The following RFC5 variants were observed in gnomAD, a reference collection of about 807,000 sequenced individuals.
The protein encoded by RFC5 is replication factor C subunit 5.
In RFC5, 26 loss-of-function variants were observed where a neutral mutation model predicts 44.3. The observed-to-expected ratio is 0.59, with a 90% CI of 0.43 to 0.81. The LOEUF (loss-of-function observed/expected upper bound fraction) is 0.81. Among genes scored for constraint, RFC5 ranks in the 40% least tolerant of loss-of-function variants. RFC5 has a pLI of 0.00. For synonymous variants in RFC5, 155 were observed against 155.2 expected (o/e 1.00, Z 0.01); for missense variants, 328 against 418.6 (o/e 0.78, Z 1.89).
downstream of RFC5, chr12:118,032,412 G>T (rs972912010): frequency 2.0e-5 from 3 of 152,168 alleles, no homozygotes; most frequent in Non-Finnish European, 2.9e-5. Context: ...AGATAACCAT[G>T]AAATGTAAAC....
At chr12:118,020,527 C>T (rs989201755) in intron 3 of RFC5, among the ~76,000 whole-genome samples, 1 of 152,114 alleles carries the variant, frequency 6.6e-6, no homozygotes, top group South Asian at 2.1e-4. Flanking sequence ...ACTTTTTAGA[C>T]GCAGGTCTCA....
intron 10 of RFC5, among the ~76,000 whole-genome samples, chr12:118,030,035 T>G (rs1030414089): frequency 6.6e-6 from 1 of 152,196 alleles, no homozygotes; most frequent in African/African-American, 2.4e-5. Context: ...ACAGATCAGT[T>G]ACATATCTGA....
chr12:118,017,532 A>G (rs930095076), intron 1 of RFC5, among the ~76,000 whole-genome samples: 3 of 152,178 alleles, frequency 2.0e-5, no homozygotes, highest in African/African-American at 7.2e-5. Context: ...TGTTCTCGCA[A>G]TGCTTCCAAG....
downstream of RFC5, chr12:118,034,668 A>G: frequency 2.0e-6 from 1 of 493,648 alleles, no homozygotes; most frequent in East Asian, 3.5e-5. Flanking sequence ...ACTGAATTAT[A>G]GATGTTACCT....
chr12:118,024,658 G>A (rs5745858), intron 5 of RFC5, among the ~76,000 whole-genome samples, 193 bp from the exon 6 acceptor site: 1,853 of 152,072 alleles, frequency 0.012, 44 homozygotes, highest in African/African-American at 0.042. Flanking sequence ...TGATCCTCCC[G>A]CCTCAGCCTC....
chr12:118,023,340 T>C (rs1182969265), intron 5 of RFC5, among the ~76,000 whole-genome samples: 2 of 146,582 alleles, frequency 1.4e-5, no homozygotes, highest in Admixed American at 7.0e-5. Flanking sequence ...GAACGATCTT[T>C]AGGAGTTTGT....
chr12:118,025,013 G>C lies in RFC5; in HGVS notation c.581+3G>C. ...GAACATGTCGTGGAAGAAGAGAAGT[G>C]AGTATTTTGCGGGCCTTTGGGGATG... On this transcript the variant is annotated splice_donor_region_variant and intron_variant, in intron 6 of 10. Transcript: ENST00000454402. 1 of 1,612,302 alleles carries C rather than the reference G, an allele frequency of 6.2e-7. No homozygotes were observed. Among genetic ancestry groups the C allele is most frequent in the Non-Finnish European group, 8.5e-7 (1 of 1,179,502 alleles).
At chr12:118,038,330 G>A in the RFC5 span, 1 of 1,614,140 alleles carries the variant, frequency 6.2e-7, no homozygotes, top group Non-Finnish European at 8.5e-7. Context: ...TGCAGTCTGG[G>A]GAGATGGAAC....
chr12:118,017,177 C>T (rs958350668), intron 1 of RFC5, among the ~76,000 whole-genome samples: 3 of 152,202 alleles, frequency 2.0e-5, no homozygotes, highest in Non-Finnish European at 2.9e-5. Context: ...GGGTTCGATC[C>T]CGCGTCTCCT....
chr12:118,018,352 G>C (rs564278232), intron 1 of RFC5, among the ~76,000 whole-genome samples: 17 of 152,230 alleles, frequency 1.1e-4, no homozygotes, highest in Non-Finnish European at 1.9e-4. Flanking sequence ...CAGCACTATT[G>C]ACATTTTGGG....
chr12:118,034,593 C>CTCTCTCTCTCTCTCTCTCTA, downstream of RFC5: 1 of 541,842 alleles, frequency 1.8e-6, no homozygotes, highest in Non-Finnish European at 3.2e-6. Flanking sequence ...GTCTCTCTCT[C>CTCTCTCTCTCTCTCTCTCTA]GGCACAGCCC....
chr12:118,027,879 C>T (rs563160508), intron 8 of RFC5, 74 bp from the exon 9 acceptor site: 120 of 897,822 alleles, frequency 1.3e-4, no homozygotes, highest in Middle Eastern at 2.2e-4. Context: ...GTCTCTTGCC[C>T]GGGTTTGGAT....
At chr12:118,040,605 A>T in the RFC5 span, among the ~76,000 whole-genome samples, 1 of 151,716 alleles carries the variant, frequency 6.6e-6, no homozygotes, top group Non-Finnish European at 1.5e-5. Context: ...TACTAAAAAT[A>T]CGAAAATTAG....
chr12:118,027,025 T>C lies in RFC5; in HGVS notation c.793+7T>C, dbSNP rs1480506378. 5 of 1,610,642 alleles carry C rather than the reference T, an allele frequency of 3.1e-6. No homozygotes were observed. Among genetic ancestry groups the C allele is most frequent in the Non-Finnish European group, 3.4e-6 (4 of 1,179,616 alleles). On this transcript the variant is annotated splice_region_variant and intron_variant, in intron 8 of 10. Transcript: ENST00000454402. ...TTCACCACAGCCTACAGAAGTATCCTTTCTCATGACCTCCTGGCCACCGAG... is the reference window on the plus strand; with the variant it reads ...TTCACCACAGCCTACAGAAGTATCCCTTCTCATGACCTCCTGGCCACCGAG...
At chr12:118,035,411 C>G, downstream of RFC5, 1 of 1,195,942 alleles carries the variant, frequency 8.4e-7, no homozygotes, top group Non-Finnish European at 1.2e-6. Context: ...AGCCAAACTG[C>G]CCTGGCTACA....
In RFC5 at chr12:118,031,228, C is replaced by G; in HGVS notation, c.973C>G (p.Leu325Val). 1 of 1,614,016 alleles carries G rather than the reference C, an allele frequency of 6.2e-7. No homozygotes were observed. The highest frequency in any genetic ancestry group is 8.5e-7 in the Non-Finnish European group (1 of 1,179,966). The change falls in exon 11 of 11, where the codon CTC becomes GTC. Residue 325 changes from leucine to valine, a missense_variant. Transcript: ENST00000454402. ...GTNEKIQLSS[L>V]IAAFQVTRDL... ...CAACGAGAAGATCCAGCTGAGCTCC[C>G]TCATTGCTGCATTTCAAGTCACCAG...
chr12:118,033,022 C>T (rs1177786122), downstream of RFC5: 1 of 152,158 alleles, frequency 6.6e-6, no homozygotes, highest in African/African-American at 2.4e-5. Context: ...CTCAACGAGT[C>T]ATGTAACGTT....
downstream of RFC5, chr12:118,035,296 C>T: frequency 6.2e-7 from 1 of 1,614,204 alleles, no homozygotes; most frequent in Non-Finnish European, 8.5e-7. Context: ...ACGTCACTGT[C>T]ATCCATGGCG....
chr12:118,025,848 CTTTTTTT>C lies in RFC5; in HGVS notation c.663+32_663+38del. 1.9e-5 allele frequency: 19 copies of C among 1,009,296 alleles called. No homozygotes were observed. The highest frequency in any genetic ancestry group is 2.5e-5 in the Non-Finnish European group (17 of 680,682). 62.5% of individuals were successfully genotyped at this position (1,009,296 alleles called of 1,614,324 possible). A position where few individuals can be genotyped will look rare whatever the true frequency, so the allele number is the denominator to read the frequency against. On this transcript the variant is annotated intron_variant, in intron 7 of 10. Coordinates refer to ENST00000454402, the MANE Select transcript of RFC5 (RefSeq NM_007370.7). Reference sequence around the variant, plus strand: ...TTGCAGGTATGGTCTCAAGCAAATCCTTTTTTTTTTTTTTTTTTGAGACAGAGTCTTG... The same window carrying C: ...TTGCAGGTATGGTCTCAAGCAAATCCTTTTTTTTTTTGAGACAGAGTCTTG...
Sources: gnomAD v4.1 joint callset for allele counts (sites outside exome capture counted in the v4.1 genomes callset) on GRCh38, gnomAD v4.1.1 for gene constraint, MANE v1.5 for transcripts, NCBI Gene and HGNC (gene_info 2026-07-23, HGNC 2026-07-21) for gene names.